The following LRMDA variants were observed in gnomAD, a reference collection of about 807,000 sequenced individuals.
The protein encoded by LRMDA is leucine-rich melanocyte differentiation-associated protein.
A neutral mutation model predicts 29.8 loss-of-function variants in LRMDA; 18 were observed. The ratio of observed to expected loss-of-function variants is 0.60; its 90% CI spans 0.42 to 0.90. The LOEUF is 0.90. Ranked by LOEUF, LRMDA falls within the 40% of genes least tolerant of loss-of-function variation. The pLI is 0.00. For missense variants in LRMDA, 273 were observed against 273.9 expected (o/e 1.00, Z 0.02); for synonymous variants, 125 against 109.4 (o/e 1.14, Z -0.89).
chr10:75,603,510 A>G (rs1564520183), intron 2 of LRMDA, among the ~76,000 whole-genome samples: 1 of 152,222 alleles, frequency 6.6e-6, no homozygotes, highest in Non-Finnish European at 1.5e-5. Flanking sequence ...AAAATGGAAC[A>G]CTGTAAAATT....
chr10:75,565,908 C>T (rs1164220602), intron 2 of LRMDA, among the ~76,000 whole-genome samples: 1 of 152,088 alleles, frequency 6.6e-6, no homozygotes, highest in South Asian at 2.1e-4. Flanking sequence ...GACCACATCT[C>T]TATAAAAAAT....
chr10:75,487,832 G>A (rs901235132), intron 2 of LRMDA, among the ~76,000 whole-genome samples: 1 of 152,194 alleles, frequency 6.6e-6, no homozygotes, highest in Non-Finnish European at 1.5e-5. Flanking sequence ...GGGAGTCATC[G>A]CTCCATGCAG....
chr10:76,222,939 A>G (rs1224612193), intron 5 of LRMDA, among the ~76,000 whole-genome samples: 2 of 152,198 alleles, frequency 1.3e-5, no homozygotes, highest in Non-Finnish European at 1.5e-5. Flanking sequence ...TGCAGCCATA[A>G]AAAATGATGA....
intron 2 of LRMDA, among the ~76,000 whole-genome samples, chr10:75,569,432 T>C (rs559208929): frequency 6.6e-6 from 1 of 152,350 alleles, no homozygotes; most frequent in Admixed American, 6.5e-5. Flanking sequence ...TAATTGTGTT[T>C]AGCTTTGTTA....
Position 75,599,595 on chromosome 10 carries a change from A to G in LRMDA, c.131+161101A>G, listed in dbSNP as rs189204666. Among the ~76,000 whole-genome samples the G allele has an allele frequency of 2.1e-3, 324 of 152,194 alleles. 1 individual carries two copies. Among genetic ancestry groups the G allele is most frequent in the Non-Finnish European group, 4.2e-3 (285 of 67,996 alleles). On this transcript the variant is annotated intron_variant, in intron 2 of 6. Transcript: ENST00000611255. ...TGGAGACGGCGGGTAGTAGAAGGTAAAAGGTTGGCAGGGCTGTCCTCCATC... is the reference window on the plus strand; with the variant it reads ...TGGAGACGGCGGGTAGTAGAAGGTAGAAGGTTGGCAGGGCTGTCCTCCATC...
At chr10:76,090,482 A>G (rs922025774) in intron 5 of LRMDA, among the ~76,000 whole-genome samples, 2 of 152,230 alleles carry the variant, frequency 1.3e-5, no homozygotes, top group African/African-American at 4.8e-5. Flanking sequence ...CAAAAAAATT[A>G]AAAGTAGAAT....
At chr10:75,583,723 C>G (rs1052760155) in intron 2 of LRMDA, among the ~76,000 whole-genome samples, 1 of 152,126 alleles carries the variant, frequency 6.6e-6, no homozygotes, top group African/African-American at 2.4e-5. Flanking sequence ...ATTGCTGTCA[C>G]CCATCCGTCA....
At chr10:75,733,941 G>C (rs935786702) in intron 2 of LRMDA, among the ~76,000 whole-genome samples, 1 of 152,200 alleles carries the variant, frequency 6.6e-6, no homozygotes, top group East Asian at 1.9e-4. Flanking sequence ...CTTGGAAATA[G>C]AGAAGTTTTC....
intron 2 of LRMDA, among the ~76,000 whole-genome samples, chr10:75,809,507 G>T (rs1843918834): frequency 1.3e-5 from 2 of 152,182 alleles, no homozygotes; most frequent in South Asian, 4.1e-4. Flanking sequence ...GCCAGGCGTG[G>T]TGGTGTGCAC....
chr10:75,436,986 A>G (rs910250218), intron 1 of LRMDA, among the ~76,000 whole-genome samples: 1 of 152,204 alleles, frequency 6.6e-6, no homozygotes, highest in African/African-American at 2.4e-5. Context: ...TTTAGCCTAT[A>G]TCTTCTTGAG....
chr10:76,037,973 T>TA (rs1265226058), intron 3 of LRMDA, among the ~76,000 whole-genome samples: 1 of 152,214 alleles, frequency 6.6e-6, no homozygotes, highest in African/African-American at 2.4e-5. Context: ...TTTCCCTTCT[T>TA]ATGTCTGTTA....
chr10:76,516,268 T>C (rs2132356348), intron 6 of LRMDA, among the ~76,000 whole-genome samples: 1 of 152,198 alleles, frequency 6.6e-6, no homozygotes, highest in South Asian at 2.1e-4. Context: ...AATCAGAACA[T>C]AAAGCAAATT....
At chr10:75,804,901 A>C (rs930520001) in intron 2 of LRMDA, among the ~76,000 whole-genome samples, 1 of 151,742 alleles carries the variant, frequency 6.6e-6, no homozygotes, top group African/African-American at 2.4e-5. Flanking sequence ...TTCTGAGAGG[A>C]GTTGATGGTG....
At chr10:76,291,059 A>C (rs566130389) in intron 5 of LRMDA, among the ~76,000 whole-genome samples, 2 of 152,278 alleles carry the variant, frequency 1.3e-5, no homozygotes, top group African/African-American at 4.8e-5. Flanking sequence ...TTTCTTTGGT[A>C]CTTCAGCCTG....
At chr10:75,781,621 T>C (rs1279452158) in intron 2 of LRMDA, among the ~76,000 whole-genome samples, 1 of 152,192 alleles carries the variant, frequency 6.6e-6, no homozygotes, top group Non-Finnish European at 1.5e-5. Flanking sequence ...AGCGAGGCTA[T>C]AACTGTAAAT....
At chr10:75,655,479 C>T (rs540864969) in intron 2 of LRMDA, among the ~76,000 whole-genome samples, 1 of 152,324 alleles carries the variant, frequency 6.6e-6, no homozygotes, top group South Asian at 2.1e-4. Context: ...ATCAGGAGAC[C>T]ATCGCATGGT....
At chr10:76,053,663 C>T (rs1589305448) in intron 4 of LRMDA, among the ~76,000 whole-genome samples, 1 of 152,226 alleles carries the variant, frequency 6.6e-6, no homozygotes, top group Non-Finnish European at 1.5e-5. Flanking sequence ...ATGTTTGGAG[C>T]GAGTTCCAAG....
intron 6 of LRMDA, among the ~76,000 whole-genome samples, chr10:76,434,932 CTG>C (rs1213726972): frequency 1.3e-5 from 2 of 152,146 alleles, no homozygotes; most frequent in African/African-American, 4.8e-5. Context: ...TAGCCAGGCA[CTG>C]TGTTAGGAGT....
chr10:76,043,931 C>A (rs1460143110), intron 3 of LRMDA, among the ~76,000 whole-genome samples: 6 of 152,198 alleles, frequency 3.9e-5, no homozygotes, highest in Non-Finnish European at 8.8e-5. Context: ...GGTTTTGGTC[C>A]GGGCTTTCCA....
Sources: allele counts gnomAD v4.1 joint callset (sites outside exome capture counted in the v4.1 genomes callset), GRCh38; gene constraint gnomAD v4.1.1; transcripts MANE v1.5; gene names NCBI Gene and HGNC (gene_info 2026-07-23, HGNC 2026-07-21).